Variants in CYFIP1 observed in about 807,000 individuals in gnomAD.
CYFIP1 encodes the protein cytoplasmic FMR1 interacting protein 1.
In CYFIP1, 58 loss-of-function variants were observed where a neutral mutation model predicts 163.5. The observed-to-expected ratio is 0.35, with a 90% CI of 0.29 to 0.44. The LOEUF (loss-of-function observed/expected upper bound fraction) is 0.44. CYFIP1 is among the 20% of genes least tolerant of loss of function. The pLI is 1.00. For missense variants in CYFIP1, 1,338 were observed against 1,653.8 expected (o/e 0.81, Z 3.31); for synonymous variants, 663 against 660.7 (o/e 1.00, Z -0.05).
intron 12 of CYFIP1, among the ~76,000 whole-genome samples, chr15:22,926,453 C>T (rs1324034479): frequency 6.6e-6 from 1 of 152,130 alleles, no homozygotes; most frequent in South Asian, 2.1e-4. Flanking sequence ...AGGAGGATCA[C>T]TTGAGCCCAA....
intron 1 of CYFIP1, among the ~76,000 whole-genome samples, chr15:22,979,507 C>G (rs947301597): frequency 1.3e-5 from 2 of 152,170 alleles, no homozygotes; most frequent in Non-Finnish European, 2.9e-5. Context: ...GCGCTGGGCT[C>G]AATCAGCAGC....
intron 12 of CYFIP1, among the ~76,000 whole-genome samples, chr15:22,926,392 G>A (rs1358097584): frequency 5.3e-5 from 8 of 152,154 alleles, no homozygotes; most frequent in Admixed American, 3.9e-4. Flanking sequence ...AGGATTCTGG[G>A]CCAGGCACAG....
intron 13 of CYFIP1, among the ~76,000 whole-genome samples, chr15:22,922,659 T>C (rs907645564): frequency 1.3e-5 from 2 of 152,174 alleles, no homozygotes; most frequent in Non-Finnish European, 2.9e-5. Flanking sequence ...ATGGATCATA[T>C]ATTTAAATTA....
intron 6 of CYFIP1, among the ~76,000 whole-genome samples, chr15:22,940,823 T>C (rs1312282792): frequency 6.6e-6 from 1 of 152,166 alleles, no homozygotes; most frequent in African/African-American, 2.4e-5. Context: ...GGCAAATCAC[T>C]TGAGTCAGGC....
chr15:22,945,022 A>T (rs2062013024), intron 3 of CYFIP1, 83 bp from the exon 4 acceptor site: 5 of 1,269,734 alleles, frequency 3.9e-6, no homozygotes, highest in Non-Finnish European at 5.8e-6. Flanking sequence ...ATCCAGACAA[A>T]GCGCCACAAA....
In CYFIP1 at chr15:22,910,636, AGAAG is replaced by A; in HGVS notation, c.2160-12_2160-9del. ...CGTTTATCAAGAAGCAAACTAGTGT[AGAAG>A]GAAGACAGAAAGTTTTTCATACGCC... On this transcript the variant is annotated splice_polypyrimidine_tract_variant and intron_variant, in intron 19 of 30. Coordinates refer to ENST00000617928, the MANE Select transcript of CYFIP1 (RefSeq NM_014608.6). 1 of 1,613,238 alleles carries A rather than the reference AGAAG, an allele frequency of 6.2e-7. No homozygotes were observed. Among genetic ancestry groups the A allele is most frequent in the Non-Finnish European group, 8.5e-7 (1 of 1,179,122 alleles).
chr15:22,929,631 CAAAAAAAA>C (rs35408380), intron 11 of CYFIP1, among the ~76,000 whole-genome samples: 6 of 42,254 alleles, frequency 1.4e-4, no homozygotes, highest in Non-Finnish European at 2.3e-4. Flanking sequence ...GACTCTGTCT[CAAAAAAAA>C]AAAAAAAAAA....
rs1659046868 is a variant in CYFIP1 at position 22,869,797 on chromosome 15, A to G, written c.*231T>C. ...CCCATAGAAAAACAATTTTGTAGGA[A>G]CGTGATGGCAACAATCAGCAGCCAA... On this transcript the variant is annotated 3_prime_UTR_variant, in exon 31 of 31. Transcript: ENST00000617928. 1 of 375,080 alleles carries G rather than the reference A, an allele frequency of 2.7e-6. No individual in the cohort carries two copies. Among genetic ancestry groups the G allele is most frequent in the Admixed American group, 4.7e-5 (1 of 21,090 alleles). 23.2% of individuals were successfully genotyped at this position (375,080 alleles called of 1,614,324 possible).
chr15:22,879,868 G>A (rs1278410364), intron 26 of CYFIP1, 45 bp downstream of exon 26: 1 of 1,444,358 alleles, frequency 6.9e-7, no homozygotes, highest in African/African-American at 1.4e-5. Flanking sequence ...GGGGTGGGGT[G>A]GGGTGGGCTG....
intron 13 of CYFIP1, among the ~76,000 whole-genome samples, chr15:22,920,110 A>G (rs1246857675): frequency 6.6e-6 from 1 of 151,810 alleles, no homozygotes; most frequent in Non-Finnish European, 1.5e-5. Context: ...CAAACAAACA[A>G]AAAAAACCTT....
chr15:22,882,949 G>A lies in CYFIP1; in HGVS notation c.2739C>T (p.His913=). The A allele has an allele frequency of 6.2e-7, 1 of 1,614,112 alleles. No individual in the cohort carries two copies. Among genetic ancestry groups the A allele is most frequent in the Non-Finnish European group, 8.5e-7 (1 of 1,179,984 alleles). The change falls in exon 24 of 31, where the codon CAC becomes CAT. Residue 913 remains histidine (H), a synonymous_variant. Coordinates refer to ENST00000617928, the MANE Select transcript of CYFIP1 (RefSeq NM_014608.6). ...GSYRNFVGPP[H]FQVICRLLGY... is the part of the protein sequence containing the mutation. ...CGAGAAGCCGGCAGATGACTTGAAA[G>A]TGTGGAGGTCCCACGAAGTTCCGGT...
chr15:22,900,582 T>C (rs1456521193), intron 22 of CYFIP1, among the ~76,000 whole-genome samples: 3 of 151,776 alleles, frequency 2.0e-5, no homozygotes, highest in Admixed American at 6.6e-5. Context: ...TGTATTGTTT[T>C]AGTAGAGACA....
At chr15:22,931,511 T>C (rs540375220) in intron 11 of CYFIP1, among the ~76,000 whole-genome samples, 2 of 151,942 alleles carry the variant, frequency 1.3e-5, no homozygotes, top group African/African-American at 4.8e-5. Context: ...CTTCTTCCCT[T>C]CTAGGCTTAC....
At position 22,918,797 on chromosome 15, in the gene CYFIP1, TGGTTGA is replaced by T; in HGVS notation, c.1415_1420del (p.Phe472_His474delinsTyr). 6.2e-7 allele frequency: 1 copy of T among 1,613,280 alleles called. No homozygotes were observed. Among genetic ancestry groups the T allele is most frequent in the Admixed American group, 1.7e-5 (1 of 59,928 alleles). ...GGCATAGACGGTGTGCCGGATGGCG[TGGTTGA>T]ACACGCTCTCCATCCTGCCCATCAG... is the stretch of plus-strand genomic sequence containing the variant. On this transcript the variant is annotated inframe_deletion, in exon 14 of 31. Coordinates refer to ENST00000617928, the MANE Select transcript of CYFIP1 (RefSeq NM_014608.6).
Position 22,947,004 on chromosome 15 carries a change from A to G in CYFIP1, c.206T>C (p.Met69Thr). 1.9e-6 allele frequency: 3 copies of G among 1,613,200 alleles called. No homozygotes were observed. Among genetic ancestry groups the G allele is most frequent in the Non-Finnish European group, 1.7e-6 (2 of 1,179,104 alleles). Residue 69 changes from methionine to threonine, a missense_variant and splice_region_variant, in exon 3 of 31, where the codon ATG (methionine) becomes ACG (threonine). Met to Thr is a moderately conservative substitution (Grantham distance 81). Coordinates refer to ENST00000617928, the MANE Select transcript of CYFIP1 (RefSeq NM_014608.6). Reference sequence around the variant, plus strand: ...AACAAAGACACACCGCAACATTACCATGCTAGAGTGGACGGTGGCTTGTTC... The same window carrying G: ...AACAAAGACACACCGCAACATTACCGTGCTAGAGTGGACGGTGGCTTGTTC... ...YIEQATVHSS[M>T]NEMLEEGQEY...
At chr15:22,923,851 G>C (rs1413241526) in intron 13 of CYFIP1, among the ~76,000 whole-genome samples, 1 of 147,448 alleles carries the variant, frequency 6.8e-6, no homozygotes, top group African/African-American at 2.5e-5. Flanking sequence ...GCTGGGGAGG[G>C]AGGATTGTCT....
intron 30 of CYFIP1, 41 bp downstream of exon 30, chr15:22,872,784 G>A: frequency 6.3e-7 from 1 of 1,594,358 alleles, no homozygotes; most frequent in Admixed American, 1.7e-5. Context: ...GTATGCTTTT[G>A]CAAAAGGTCC....
At chr15:22,924,380 C>T (rs377072496) in intron 13 of CYFIP1, among the ~76,000 whole-genome samples, 10 of 152,086 alleles carry the variant, frequency 6.6e-5, no homozygotes, top group Admixed American at 1.3e-4. Flanking sequence ...GCTGAGATCA[C>T]GCCACTGCCC....
At chr15:22,883,148 C>T in intron 23 of CYFIP1, 137 bp from the exon 24 acceptor site, 1 of 960,210 alleles carries the variant, frequency 1.0e-6, no homozygotes, top group Non-Finnish European at 1.5e-6. Flanking sequence ...ATCTACTGCC[C>T]TTAACTGGTA....
Sources: gnomAD v4.1 joint callset for allele counts (sites outside exome capture counted in the v4.1 genomes callset) on GRCh38, gnomAD v4.1.1 for gene constraint, MANE v1.5 for transcripts, NCBI Gene and HGNC (gene_info 2026-07-23, HGNC 2026-07-21) for gene names.